Variants in DEPTOR observed in about 807,000 individuals in gnomAD.
The protein encoded by DEPTOR is DEP domain containing MTOR interacting protein, also known as DEP domain-containing mTOR-interacting protein.
Under a neutral mutation model 41.6 loss-of-function variants are expected in DEPTOR, and 41 were observed. The ratio of observed to expected loss-of-function variants is 0.98; its 90% CI spans 0.77 to 1.28. The LOEUF (loss-of-function observed/expected upper bound fraction) is 1.28. Among genes scored for constraint, DEPTOR ranks in the 50% most tolerant of loss-of-function variants. DEPTOR has a pLI of 0.00. For synonymous variants in DEPTOR, 195 were observed against 192.3 expected (o/e 1.01, Z -0.12); for missense variants, 514 against 527.9 (o/e 0.97, Z 0.26).
intron 1 of DEPTOR, among the ~76,000 whole-genome samples, chr8:119,876,338 T>C (rs1004350511): frequency 6.6e-6 from 1 of 152,232 alleles, no homozygotes; most frequent in African/African-American, 2.4e-5. Flanking sequence ...ATCTTGGCTT[T>C]GCTACTTACT....
intron 1 of DEPTOR, among the ~76,000 whole-genome samples, chr8:119,905,243 A>G (rs1036461769): frequency 1.3e-5 from 2 of 152,194 alleles, no homozygotes; most frequent in Non-Finnish European, 2.9e-5. Flanking sequence ...AGCTACAGCC[A>G]GAGATAGAAA....
At chr8:119,980,453 T>TTTTTCTTTTCC (rs1828748238) in intron 4 of DEPTOR, among the ~76,000 whole-genome samples, 2 of 110,910 alleles carry the variant, frequency 1.8e-5, no homozygotes, top group African/African-American at 7.4e-5. Flanking sequence ...TCATTTTTCT[T>TTTTTCTTTTCC]TTTTCTTTTC....
chr8:119,961,171 C>A (rs1403284497), intron 3 of DEPTOR, among the ~76,000 whole-genome samples: 2 of 151,926 alleles, frequency 1.3e-5, no homozygotes, highest in Non-Finnish European at 2.9e-5. Context: ...AATCCCCGCC[C>A]TTTGGGAGGC....
intron 3 of DEPTOR, among the ~76,000 whole-genome samples, chr8:119,948,823 T>C (rs1168107302): frequency 6.6e-6 from 1 of 152,146 alleles, no homozygotes; most frequent in Non-Finnish European, 1.5e-5. Context: ...GTTTCACTCT[T>C]GTTGCCCAGG....
At chr8:120,022,736 A>C (rs929913816) in intron 8 of DEPTOR, among the ~76,000 whole-genome samples, 3 of 150,570 alleles carry the variant, frequency 2.0e-5, no homozygotes, top group African/African-American at 7.4e-5. Context: ...GACTCTCCCT[A>C]TGTTGCCCAG....
chr8:119,965,495 A>G, intron 4 of DEPTOR, 85 bp downstream of exon 4: 2 of 1,482,506 alleles, frequency 1.3e-6, no homozygotes, highest in Non-Finnish European at 1.8e-6. Flanking sequence ...CTTATTTCTC[A>G]CTCATGAATC....
At chr8:119,915,540 C>T (rs1055935124) in intron 1 of DEPTOR, among the ~76,000 whole-genome samples, 3 of 152,148 alleles carry the variant, frequency 2.0e-5, no homozygotes, top group African/African-American at 7.2e-5. Context: ...ACTTCTGTTT[C>T]CACAGTGGCG....
chr8:119,899,136 T>C (rs1451064430), intron 1 of DEPTOR, among the ~76,000 whole-genome samples: 2 of 152,248 alleles, frequency 1.3e-5, no homozygotes, highest in Admixed American at 1.3e-4. Flanking sequence ...TCTTCAGCTT[T>C]TCCCTATCCT....
At chr8:119,941,046 CTA>C (rs1465010112) in intron 3 of DEPTOR, among the ~76,000 whole-genome samples, 1 of 152,026 alleles carries the variant, frequency 6.6e-6, no homozygotes, top group Non-Finnish European at 1.5e-5. Context: ...TTGTACACTG[CTA>C]TGAGTGTACT....
chr8:119,878,024 G>A (rs191680034), intron 1 of DEPTOR, among the ~76,000 whole-genome samples: 133 of 151,968 alleles, frequency 8.8e-4, no homozygotes, highest in Non-Finnish European at 1.6e-3. Context: ...CTCTGCCTCC[G>A]GGTTCAAGAG....
chr8:119,903,085 A>G (rs187529348), intron 1 of DEPTOR, among the ~76,000 whole-genome samples: 55 of 152,274 alleles, frequency 3.6e-4, no homozygotes, highest in African/African-American at 1.3e-3. Context: ...GAGTTCAAGT[A>G]ATATTCGTTG....
intron 4 of DEPTOR, among the ~76,000 whole-genome samples, chr8:119,967,295 G>A (rs991529230): frequency 6.6e-6 from 1 of 151,126 alleles, no homozygotes; most frequent in Admixed American, 6.6e-5. Flanking sequence ...GGCCAGGCTG[G>A]TCTTACAGTC....
At chr8:119,899,498 G>A (rs1172694730) in intron 1 of DEPTOR, among the ~76,000 whole-genome samples, 2 of 152,166 alleles carry the variant, frequency 1.3e-5, no homozygotes, top group Non-Finnish European at 2.9e-5. Flanking sequence ...CCTTAAATCT[G>A]TGCAAGAATC....
At chr8:119,993,894 C>T (rs1478847314) in intron 4 of DEPTOR, among the ~76,000 whole-genome samples, 1 of 151,830 alleles carries the variant, frequency 6.6e-6, no homozygotes, top group African/African-American at 2.4e-5. Context: ...CGGTGGCTCA[C>T]ACCTGTAATC....
chr8:120,038,631 A>G (rs988173006), intron 8 of DEPTOR, among the ~76,000 whole-genome samples: 7 of 151,944 alleles, frequency 4.6e-5, no homozygotes, highest in African/African-American at 1.7e-4. Flanking sequence ...TAAATAAACA[A>G]ATAATAAATA....
chr8:120,009,474 G>A (rs1206885219), intron 8 of DEPTOR, among the ~76,000 whole-genome samples: 6 of 152,060 alleles, frequency 3.9e-5, no homozygotes, highest in Non-Finnish European at 7.4e-5. Context: ...TTAGCCGGGC[G>A]TGGTGGCACA....
intron 1 of DEPTOR, among the ~76,000 whole-genome samples, chr8:119,921,816 A>G (rs961866047): frequency 6.7e-6 from 1 of 148,972 alleles, no homozygotes; most frequent in Non-Finnish European, 1.5e-5. Flanking sequence ...GCTGGAATGC[A>G]GTGGCATGAT....
intron 4 of DEPTOR, among the ~76,000 whole-genome samples, chr8:119,970,055 A>G (rs1488584144): frequency 2.0e-5 from 3 of 152,148 alleles, no homozygotes; most frequent in East Asian, 3.9e-4. Flanking sequence ...GGTGCGCTTT[A>G]CTCAAGGCAG....
At position 119,921,748 on chromosome 8, in the gene DEPTOR, G is replaced by GTTTTTT. The variant is rs1282897659; in HGVS notation, c.123-6646_123-6641dup. On this transcript the variant is annotated intron_variant, in intron 1 of 8. Transcript: ENST00000286234. ...GGTAACTGAAAGGTTCTATTCTGTA[G>GTTTTTT]TTTTTTTTTTTGTTTGTTTGTTTGT... Among the ~76,000 whole-genome samples the GTTTTTT allele has an allele frequency of 2.7e-3, 359 of 131,016 alleles. 29 individuals are homozygous for GTTTTTT. Among genetic ancestry groups the GTTTTTT allele is most frequent in the Non-Finnish European group, 4.1e-3 (252 of 61,538 alleles). The allele number at this position is 131,016 out of a possible 152,430, so 86.0% of individuals were successfully genotyped here. A position where few individuals can be genotyped will look rare whatever the true frequency, so the allele number is the denominator to read the frequency against.
Sources: gnomAD v4.1 joint callset for allele counts (sites outside exome capture counted in the v4.1 genomes callset) on GRCh38, gnomAD v4.1.1 for gene constraint, MANE v1.5 for transcripts, NCBI Gene and HGNC (gene_info 2026-07-23, HGNC 2026-07-21) for gene names.